Variants in RBFOX1 observed in about 807,000 individuals in gnomAD.
RBFOX1 encodes the protein RNA binding fox-1 homolog 1.
In RBFOX1, 8 loss-of-function variants were observed where a neutral mutation model predicts 57.7. That is an observed-to-expected ratio of 0.14 (90% CI 0.08 to 0.25). RBFOX1 has a LOEUF of 0.25. RBFOX1 is among the 10% of genes least tolerant of loss of function. The probability of loss-of-function intolerance (pLI) is 1.00; values close to 1 mark genes in which losing one functional copy is unlikely to be tolerated. For missense variants in RBFOX1, 611 were observed against 548.5 expected, an observed-to-expected ratio of 1.11 and a Z score of -1.14; for synonymous variants, 326 against 222.4, an observed-to-expected ratio of 1.47 and a Z score of -4.15.
chr16:5,397,089 A>C (rs1488699755), intron 1 of RBFOX1, among the ~76,000 whole-genome samples: 1 of 152,252 alleles, frequency 6.6e-6, no homozygotes, highest in Non-Finnish European at 1.5e-5. Context: ...AGCAGAGAGC[A>C]GAGACATTTT....
intron 3 of RBFOX1, among the ~76,000 whole-genome samples, chr16:6,669,956 A>C (rs2098753817): frequency 6.6e-6 from 1 of 152,136 alleles, no homozygotes; most frequent in South Asian, 2.1e-4. Flanking sequence ...CTTCAAGTCC[A>C]CCTGTCAAAA....
At chr16:7,490,864 AT>A (rs2066748175) in intron 4 of RBFOX1, among the ~76,000 whole-genome samples, 1 of 152,142 alleles carries the variant, frequency 6.6e-6, no homozygotes, top group Non-Finnish European at 1.5e-5. Flanking sequence ...TCTGATTCTC[AT>A]TGTTTTGCTC....
chr16:6,203,551 A>G (rs561844295), intron 1 of RBFOX1, among the ~76,000 whole-genome samples: 1 of 152,322 alleles, frequency 6.6e-6, no homozygotes, highest in African/African-American at 2.4e-5. Context: ...GAACATGGAA[A>G]TGCATATATC....
chr16:6,208,436 G>C (rs976185925), intron 1 of RBFOX1, among the ~76,000 whole-genome samples: 5 of 152,112 alleles, frequency 3.3e-5, no homozygotes, highest in Non-Finnish European at 1.5e-5. Flanking sequence ...TGTAAGGTGT[G>C]TCTGAAGTTG....
intron 1 of RBFOX1, among the ~76,000 whole-genome samples, chr16:6,124,808 A>G (rs1410219094): frequency 6.6e-6 from 1 of 152,160 alleles, no homozygotes. Context: ...GATTACAGGC[A>G]TGAGTCACCG....
intron 1 of RBFOX1, among the ~76,000 whole-genome samples, chr16:5,351,506 G>A (rs1185585315): frequency 6.6e-6 from 1 of 152,182 alleles, no homozygotes; most frequent in African/African-American, 2.4e-5. Flanking sequence ...TGGGTCTCAG[G>A]AGGAGGGTCA....
At chr16:6,453,150 A>G (rs924315168) in intron 2 of RBFOX1, among the ~76,000 whole-genome samples, 12 of 151,934 alleles carry the variant, frequency 7.9e-5, no homozygotes, top group Non-Finnish European at 1.8e-4. Context: ...TCTGGGATAC[A>G]TGTACAGAAC....
At chr16:6,564,984 T>C (rs796577388) in intron 2 of RBFOX1, among the ~76,000 whole-genome samples, 50 of 152,000 alleles carry the variant, frequency 3.3e-4, no homozygotes, top group African/African-American at 1.1e-3. Flanking sequence ...GTACTAAAAA[T>C]ACAAAAATTA....
chr16:6,928,802 G>A (rs375523240), intron 3 of RBFOX1, among the ~76,000 whole-genome samples: 75 of 152,166 alleles, frequency 4.9e-4, no homozygotes, highest in African/African-American at 1.7e-3. Context: ...AAAGACATAT[G>A]CACACAGAAA....
chr16:6,290,081 A>C (rs1480085400), intron 1 of RBFOX1, among the ~76,000 whole-genome samples: 2 of 152,054 alleles, frequency 1.3e-5, no homozygotes, highest in African/African-American at 4.8e-5. Context: ...TGACCACAGC[A>C]TTTTTTGACA....
chr16:6,087,112 C>G (rs991718818), intron 1 of RBFOX1, among the ~76,000 whole-genome samples: 2 of 152,168 alleles, frequency 1.3e-5, no homozygotes, highest in African/African-American at 4.8e-5. Flanking sequence ...CAATTTCCGT[C>G]AGCAAATTTA....
chr16:6,851,335 A>AT (rs968323979), intron 3 of RBFOX1, among the ~76,000 whole-genome samples: 1 of 152,026 alleles, frequency 6.6e-6, no homozygotes, highest in Non-Finnish European at 1.5e-5. Context: ...TCTGTGGACT[A>AT]TTTTTTGTCC....
chr16:5,656,997 C>G (rs755736164), intron 3 of RBFOX1, among the ~76,000 whole-genome samples: 3 of 152,056 alleles, frequency 2.0e-5, no homozygotes, highest in African/African-American at 4.8e-5. Flanking sequence ...GGCTTAAAAC[C>G]TAGATGATGG....
At chr16:6,820,560 G>C (rs1191374954) in intron 3 of RBFOX1, among the ~76,000 whole-genome samples, 2 of 151,990 alleles carry the variant, frequency 1.3e-5, no homozygotes, top group African/African-American at 2.4e-5. Context: ...TTGGGATGGT[G>C]AGGCAGGAAG....
chr16:7,161,731 A>G (rs1447801049), intron 4 of RBFOX1, among the ~76,000 whole-genome samples: 2 of 152,170 alleles, frequency 1.3e-5, no homozygotes, highest in African/African-American at 4.8e-5. Flanking sequence ...AGCTTCCTTT[A>G]TGACTCATCT....
At chr16:5,286,945 G>T (rs1269127922) in intron 1 of RBFOX1, among the ~76,000 whole-genome samples, 1 of 152,110 alleles carries the variant, frequency 6.6e-6, no homozygotes, top group African/African-American at 2.4e-5. Flanking sequence ...TATTCCCTGG[G>T]GCTGGGCCAA....
intron 3 of RBFOX1, among the ~76,000 whole-genome samples, chr16:7,041,341 G>C (rs2046119601): frequency 6.6e-6 from 1 of 152,116 alleles, no homozygotes; most frequent in Non-Finnish European, 1.5e-5. Context: ...ACAAAGACAA[G>C]AGAGTCTGTG....
chr16:6,562,880 C>G (rs199560001), intron 2 of RBFOX1, among the ~76,000 whole-genome samples: 2 of 51,778 alleles, frequency 3.9e-5, no homozygotes, highest in South Asian at 1.3e-3. Flanking sequence ...TTCTTTCTTT[C>G]TTTTTTTTTT....
intron 3 of RBFOX1, among the ~76,000 whole-genome samples, chr16:6,827,124 G>C (rs946707800): frequency 6.6e-6 from 1 of 151,956 alleles, no homozygotes; most frequent in Non-Finnish European, 1.5e-5. Context: ...TCTAACACCA[G>C]TGAATATAAG....
Sources: gnomAD v4.1 joint callset for allele counts (sites outside exome capture counted in the v4.1 genomes callset) on GRCh38, gnomAD v4.1.1 for gene constraint, MANE v1.5 for transcripts, NCBI Gene and HGNC (gene_info 2026-07-23, HGNC 2026-07-21) for gene names.